The following BTAF1 variants were observed in gnomAD, a reference collection of about 807,000 sequenced individuals.
The protein encoded by BTAF1 is TATA-binding protein-associated factor 172.
BTAF1 carries 38 observed loss-of-function variants against 227.1 expected under a neutral mutation model. That is an observed-to-expected ratio of 0.17 (90% CI 0.13 to 0.22). BTAF1 has a LOEUF of 0.22. Among genes scored for constraint, BTAF1 ranks in the 10% least tolerant of loss-of-function variants. The pLI is 1.00. For synonymous variants in BTAF1, 742 were observed against 751.9 expected, an observed-to-expected ratio of 0.99 and a Z score of 0.21; for missense variants, 1,598 against 2,204.0, an observed-to-expected ratio of 0.73 and a Z score of 5.51.
At chr10:92,027,086 A>T (rs1230647991) in intron 36 of BTAF1, 44 bp from the exon 37 acceptor site, 1 of 1,564,616 alleles carries the variant, frequency 6.4e-7, no homozygotes, top group Non-Finnish European at 8.6e-7. Flanking sequence ...GGAACCTCAA[A>T]GCATAATATG....
chr10:91,937,329 T>G (rs1844691594), intron 2 of BTAF1, among the ~76,000 whole-genome samples: 1 of 152,092 alleles, frequency 6.6e-6, no homozygotes, highest in Non-Finnish European at 1.5e-5. Context: ...AAAATATAAT[T>G]TACATACCAT....
At position 91,951,545 on chromosome 10, in the gene BTAF1, A is replaced by G; in HGVS notation, c.543A>G (p.Ala181=). ...DEDLDYTPTS[A]SFVNKQPTLQ... is the part of the protein sequence containing the mutation. Reference sequence around the variant, plus strand: ...ATTTGGATTATACCCCAACTTCAGCATCCTTTGTTAACAAACAACCTGTAG... The same window carrying G: ...ATTTGGATTATACCCCAACTTCAGCGTCCTTTGTTAACAAACAACCTGTAG... Residue 181 remains alanine, a synonymous_variant, in exon 5 of 38, where the codon GCA becomes GCG. Transcript: ENST00000265990. 1 of 1,602,608 alleles carries G rather than the reference A, an allele frequency of 6.2e-7. No individual in the cohort carries two copies. Among genetic ancestry groups the G allele is most frequent in the South Asian group, 1.1e-5 (1 of 87,460 alleles).
chr10:91,988,528 G>C (rs371266276), intron 19 of BTAF1, among the ~76,000 whole-genome samples: 21 of 152,302 alleles, frequency 1.4e-4, no homozygotes, highest in Middle Eastern at 6.8e-3. Flanking sequence ...AAGTAGTCTG[G>C]TACAACAGTC....
intron 5 of BTAF1, among the ~76,000 whole-genome samples, chr10:91,952,036 C>T (rs968185144): frequency 6.6e-6 from 1 of 151,228 alleles, no homozygotes; most frequent in Non-Finnish European, 1.5e-5. Context: ...GCCAACAGGA[C>T]ACAGACATTT....
intron 12 of BTAF1, 70 bp from the exon 13 acceptor site, chr10:91,964,007 A>G: frequency 6.4e-7 from 1 of 1,555,376 alleles, no homozygotes; most frequent in Non-Finnish European, 8.8e-7. Flanking sequence ...GACCCCTGGG[A>G]TACCATTTGG....
chr10:91,982,643 A>G lies in BTAF1; in HGVS notation c.2105A>G (p.Gln702Arg). 1 of 1,613,746 alleles carries G rather than the reference A, an allele frequency of 6.2e-7. No individual in the cohort carries two copies. The highest frequency in any genetic ancestry group is 8.5e-7 in the Non-Finnish European group (1 of 1,179,752). Reference protein sequence around the residue: ...ICDPGVNVVTQEIKPAESLGQ... With the variant: ...ICDPGVNVVTREIKPAESLGQ... ...GATCCAGGTGTAAATGTGGTAACTC[A>G]AGAAATTAAACCAGCTGAATCCCTG... The change falls in exon 18 of 38, where the codon CAA (glutamine) becomes CGA (arginine). Residue 702 changes from glutamine to arginine, a missense_variant. By Grantham distance (43) the Gln-to-Arg change is conservative (BLOSUM62 1). Transcript: ENST00000265990.
rs139997778 is a variant in BTAF1 at position 91,961,632 on chromosome 10, C to T, written c.1264-906C>T. 2.6e-4 allele frequency among the ~76,000 whole-genome samples: 39 copies of T among 152,072 alleles called. No homozygotes were observed. The East Asian group carries it at 6.6e-3, about 26-fold the overall frequency. ...ACCCCCATAAACAAAACCTTTTTTT[C>T]TGTGTTCTGCACTCTAGCCTCTGTA... On this transcript the variant is annotated intron_variant, in intron 11 of 37. Transcript: ENST00000265990.
intron 14 of BTAF1, among the ~76,000 whole-genome samples, chr10:91,968,565 G>A (rs747165783): frequency 3.9e-5 from 6 of 152,158 alleles, no homozygotes; most frequent in South Asian, 2.1e-4. Context: ...ACCAAGGAGC[G>A]TATCTGCTGA....
Position 91,964,130 on chromosome 10 carries a change from A to G in BTAF1, c.1458A>G (p.Leu486=). ...LWDALLELDD[L]TASTNSIMTL... Reference sequence around the variant, plus strand: ...ATGCTCTTCTGGAATTAGATGATCTAACAGCTTCAACAAATAGTATTATGA... The same window carrying G: ...ATGCTCTTCTGGAATTAGATGATCTGACAGCTTCAACAAATAGTATTATGA... Residue 486 remains leucine, a synonymous_variant, in exon 13 of 38, where the codon CTA becomes CTG. Transcript: ENST00000265990. 6.2e-7 allele frequency: 1 copy of G among 1,612,946 alleles called. No individual in the cohort carries two copies.
At chr10:92,005,418 T>G (rs1219778406) in intron 25 of BTAF1, among the ~76,000 whole-genome samples, 1 of 152,212 alleles carries the variant, frequency 6.6e-6, no homozygotes, top group Non-Finnish European at 1.5e-5. Flanking sequence ...TATGGACATT[T>G]TAACAATATT....
At position 92,030,098 on chromosome 10, in the gene BTAF1, A is replaced by G. The variant is rs1851800593; in HGVS notation, c.*1165A>G. ...ATGTATGGGATATATTTGTATATAT[A>G]TGTACAGGTAATAAACATCCCCAAG... On this transcript the variant is annotated 3_prime_UTR_variant, in exon 38 of 38. Coordinates refer to ENST00000265990, the MANE Select transcript of BTAF1 (RefSeq NM_003972.3). The G allele has an allele frequency of 6.6e-6, 1 of 152,602 alleles. No individual in the cohort carries two copies. The highest frequency in any genetic ancestry group is 2.4e-5 in the African/African-American group (1 of 41,474). 9.5% of individuals were successfully genotyped at this position (152,602 alleles called of 1,614,324 possible). A position where few individuals can be genotyped will look rare whatever the true frequency, so the allele number is the denominator to read the frequency against.
At chr10:91,981,558 A>G (rs1243330503) in intron 15 of BTAF1, 85 bp from the exon 16 acceptor site, 3 of 1,377,156 alleles carry the variant, frequency 2.2e-6, no homozygotes, top group Non-Finnish European at 2.9e-6. Flanking sequence ...CCTACTTAAA[A>G]AAACCTCAGT....
chr10:91,940,261 A>G (rs899304758), intron 3 of BTAF1, among the ~76,000 whole-genome samples, 195 bp downstream of exon 3: 4 of 152,156 alleles, frequency 2.6e-5, no homozygotes, highest in African/African-American at 9.7e-5. Flanking sequence ...GGATATAGAA[A>G]ATGTTTTTGT....
At chr10:91,936,279 G>A (rs562428161) in intron 2 of BTAF1, among the ~76,000 whole-genome samples, 164 of 152,184 alleles carry the variant, frequency 1.1e-3, no homozygotes, top group Non-Finnish European at 2.0e-3. Context: ...CTCTGTATGC[G>A]TATTGAAGTG....
chr10:91,997,860 G>A, intron 25 of BTAF1, 109 bp downstream of exon 25: 1 of 1,153,694 alleles, frequency 8.7e-7, no homozygotes, highest in South Asian at 1.5e-5. Context: ...TGTAATCCCA[G>A]CACTTTCTGA....
At chr10:91,944,707 C>T (rs10882005) in intron 4 of BTAF1, among the ~76,000 whole-genome samples, 41,579 of 152,052 alleles carry the variant, frequency 0.27, 6,944 homozygotes, top group Non-Finnish European at 0.38. Flanking sequence ...TAGCTATCAC[C>T]CTTTTATCCT....
At chr10:91,932,868 AG>A (rs1442632325) in intron 1 of BTAF1, among the ~76,000 whole-genome samples, 1 of 152,260 alleles carries the variant, frequency 6.6e-6, no homozygotes, top group African/African-American at 2.4e-5. Flanking sequence ...AAGCAAGCTC[AG>A]GCACACCCGA....
chr10:91,997,251 A>C, intron 24 of BTAF1: 1 of 828,926 alleles, frequency 1.2e-6, no homozygotes, highest in South Asian at 1.4e-5. Flanking sequence ...ACTCAGTTAT[A>C]TTCCTTTACT....
chr10:91,934,327 C>T (rs901363695), intron 1 of BTAF1, among the ~76,000 whole-genome samples: 1 of 151,942 alleles, frequency 6.6e-6, no homozygotes, highest in African/African-American at 2.4e-5. Flanking sequence ...CTCTGCCTCC[C>T]GGATTCAGAA....
Sources: gnomAD v4.1 joint callset for allele counts (sites outside exome capture counted in the v4.1 genomes callset) on GRCh38, gnomAD v4.1.1 for gene constraint, MANE v1.5 for transcripts, NCBI Gene and HGNC (gene_info 2026-07-23, HGNC 2026-07-21) for gene names.